Variants in COPS8 observed in about 807,000 individuals in gnomAD.
The protein encoded by COPS8 is COP9 signalosome subunit 8.
A neutral mutation model predicts 31.5 loss-of-function variants in COPS8; 11 were observed. That is an observed-to-expected ratio of 0.35 (90% CI 0.22 to 0.58). The LOEUF (loss-of-function observed/expected upper bound fraction) is 0.58, where lower values mean the gene tolerates loss of function less well. Ranked by LOEUF, COPS8 falls within the 20% of genes least tolerant of loss-of-function variation. The pLI is 0.83. For missense variants in COPS8, 215 were observed against 255.1 expected (o/e 0.84, Z 1.07); for synonymous variants, 81 against 89.3 (o/e 0.91, Z 0.52).
chr2:237,095,554 T>C (rs997923163), intron 5 of COPS8, among the ~76,000 whole-genome samples: 7 of 152,222 alleles, frequency 4.6e-5, no homozygotes, highest in Non-Finnish European at 1.0e-4. Flanking sequence ...ATTAGGTTAA[T>C]ACTATAATAT....
In COPS8 at chr2:237,086,007, A is replaced by C; in HGVS notation, c.43A>C (p.Lys15Gln). Reference protein sequence around the residue: ...VMAESAFSFKKLLDQCENQEL... With the variant: ...VMAESAFSFKQLLDQCENQEL... ...GGCGGAAAGCGCCTTTAGTTTCAAA[A>C]AGTTGCTGGATCAGTGCGAGAACCA... Residue 15 changes from lysine (K) to glutamine (Q), a missense_variant, in exon 1 of 8, where the codon AAG becomes CAG. Coordinates refer to ENST00000354371, the MANE Select transcript of COPS8 (RefSeq NM_006710.5). The C allele has an allele frequency of 6.2e-7, 1 of 1,613,770 alleles. No individual in the cohort carries two copies. The highest frequency in any genetic ancestry group is 2.2e-5 in the East Asian group (1 of 44,870).
Position 237,096,844 on chromosome 2 carries a change from C to T in COPS8, c.525C>T (p.Ser175=). Residue 175 remains serine, a synonymous_variant, in exon 7 of 8, where the codon TCC becomes TCT. Coordinates refer to ENST00000354371, the MANE Select transcript of COPS8 (RefSeq NM_006710.5). ...RKPVAGALDV[S]FNKFIPLSEP... is the part of the protein sequence containing the mutation. ...TAGTTGCAGGGGCCCTGGATGTTTC[C>T]TTTAACAAGTTTATTCCCTTATCAG... 6.2e-7 allele frequency: 1 copy of T among 1,610,910 alleles called. No homozygotes were observed. Among genetic ancestry groups the T allele is most frequent in the South Asian group, 1.1e-5 (1 of 90,684 alleles).
intron 7 of COPS8, 64 bp downstream of exon 7, chr2:237,096,933 ATATG>A (rs2106347586): frequency 3.6e-6 from 4 of 1,098,752 alleles, no homozygotes; most frequent in Admixed American, 1.9e-5. Flanking sequence ...TTTGTAGTAT[ATATG>A]TATATGTGTG....
intron 5 of COPS8, 59 bp downstream of exon 5, chr2:237,094,256 G>A: frequency 6.8e-7 from 1 of 1,465,746 alleles, no homozygotes; most frequent in South Asian, 1.2e-5. Flanking sequence ...GTGAATTGTA[G>A]GTTCACAGTC....
rs1158270599 is a variant in COPS8 at position 237,100,094 on chromosome 2, G to A, written c.*2352G>A. 1.3e-5 allele frequency: 2 copies of A among 152,144 alleles called. No individual in the cohort carries two copies. Among genetic ancestry groups the A allele is most frequent in the Admixed American group, 1.3e-4 (2 of 15,270 alleles). The allele number at this position is 152,144 out of a possible 1,614,324, so 9.4% of individuals were successfully genotyped here. On this transcript the variant is annotated 3_prime_UTR_variant, in exon 8 of 8. Coordinates refer to ENST00000354371, the MANE Select transcript of COPS8 (RefSeq NM_006710.5). Reference sequence around the variant, plus strand: ...ATCGAACCTGTAGGGTAGTCAAAAAGCTCATGCTGGAAAATTCCACCGAAT... The same window carrying A: ...ATCGAACCTGTAGGGTAGTCAAAAAACTCATGCTGGAAAATTCCACCGAAT...
chr2:237,094,857 T>C (rs1696769880), intron 5 of COPS8, among the ~76,000 whole-genome samples: 1 of 152,090 alleles, frequency 6.6e-6, no homozygotes, highest in Non-Finnish European at 1.5e-5. Context: ...TCCCAACTAC[T>C]CAGGAGGCTG....
chr2:237,089,421 T>TA (rs1336166228), intron 3 of COPS8, among the ~76,000 whole-genome samples: 4 of 152,216 alleles, frequency 2.6e-5, no homozygotes, highest in Non-Finnish European at 5.9e-5. Context: ...ACTCAATCCT[T>TA]AGAGAGGCTA....
rs1225174288 is a variant in COPS8 at position 237,099,617 on chromosome 2, C to G, written c.*1875C>G. On this transcript the variant is annotated 3_prime_UTR_variant, in exon 8 of 8. Coordinates refer to ENST00000354371, the MANE Select transcript of COPS8 (RefSeq NM_006710.5). ...AAACCTCATTATATGCTTTATTTTT[C>G]TTTGTAAACAGTAAATATTTCCCAC... is the stretch of plus-strand genomic sequence containing the variant. The G allele has an allele frequency of 1.3e-5, 2 of 151,948 alleles. No homozygotes were observed. The highest frequency in any genetic ancestry group is 2.4e-5 in the African/African-American group (1 of 41,342). The allele number at this position is 151,948 out of a possible 1,614,324, so 9.4% of individuals were successfully genotyped here.
rs1696834107 is a variant in COPS8 at position 237,097,938 on chromosome 2, C to T, written c.*196C>T. On this transcript the variant is annotated 3_prime_UTR_variant, in exon 8 of 8. Transcript: ENST00000354371. ...ACGTTATGCTGAATAGTTGTTGAAA[C>T]AGTTCTCATTTTGTAGTATTTAATA... is the stretch of plus-strand genomic sequence containing the variant. The T allele has an allele frequency of 1.1e-5, 5 of 454,396 alleles. No homozygotes were observed. The highest frequency in any genetic ancestry group is 2.0e-5 in the Non-Finnish European group (5 of 253,816). The allele number at this position is 454,396 out of a possible 1,614,324, so 28.1% of individuals were successfully genotyped here.
intron 7 of COPS8, 58 bp downstream of exon 7, chr2:237,096,927 TAGTATATA>T (rs1696812853): frequency 8.2e-7 from 1 of 1,216,876 alleles, no homozygotes; most frequent in Non-Finnish European, 1.2e-6. Flanking sequence ...TTCTTTTTTG[TAGTATATA>T]TGTATATGTG....
At chr2:237,093,172 G>T (rs566845208) in intron 4 of COPS8, among the ~76,000 whole-genome samples, 15 of 152,334 alleles carry the variant, frequency 9.8e-5, no homozygotes, top group African/African-American at 3.4e-4. Flanking sequence ...CCCAGGGGGA[G>T]AAGGTGTAAG....
At position 237,098,203 on chromosome 2, in the gene COPS8, C is replaced by G. The variant is rs1696838279; in HGVS notation, c.*461C>G. The G allele has an allele frequency of 6.4e-6, 1 of 155,386 alleles. No individual in the cohort carries two copies. Among genetic ancestry groups the G allele is most frequent in the African/African-American group, 2.4e-5 (1 of 41,462 alleles). The allele number at this position is 155,386 out of a possible 1,614,324, so 9.6% of individuals were successfully genotyped here. A position where few individuals can be genotyped will look rare whatever the true frequency, so the allele number is the denominator to read the frequency against. ...TGATTCACCCTCTTTGGAGAACATG[C>G]TCTCTTTTCACCCCCCACCTCCTGA... is the stretch of plus-strand genomic sequence containing the variant. On this transcript the variant is annotated 3_prime_UTR_variant, in exon 8 of 8. Coordinates refer to ENST00000354371, the MANE Select transcript of COPS8 (RefSeq NM_006710.5).
chr2:237,098,978 G>C lies in COPS8; in HGVS notation c.*1236G>C, dbSNP rs1303127510. 6 of 152,174 alleles carry C rather than the reference G, an allele frequency of 3.9e-5. No individual in the cohort carries two copies. Among genetic ancestry groups the C allele is most frequent in the African/African-American group, 1.4e-4 (6 of 41,450 alleles). The allele number at this position is 152,174 out of a possible 1,614,324, so 9.4% of individuals were successfully genotyped here. On this transcript the variant is annotated 3_prime_UTR_variant, in exon 8 of 8. Transcript: ENST00000354371. Reference sequence around the variant, plus strand: ...TACAGTTGAGGAAATGGGAATTCAAGAAGTCAGAGGATCAGGAGAGTGATC... The same window carrying C: ...TACAGTTGAGGAAATGGGAATTCAACAAGTCAGAGGATCAGGAGAGTGATC...
intron 7 of COPS8, 106 bp downstream of exon 7, chr2:237,096,975 T>C: frequency 1.3e-6 from 1 of 789,416 alleles, no homozygotes; most frequent in South Asian, 1.6e-5. Flanking sequence ...ATTTCTTACC[T>C]TGTAAACAGA....
intron 1 of COPS8, chr2:237,086,753 A>G: frequency 1.0e-6 from 1 of 982,454 alleles, no homozygotes; most frequent in Middle Eastern, 5.2e-4. Context: ...TAATGGGCAG[A>G]ATCAGAATGC....
chr2:237,093,110 A>G lies in COPS8; in HGVS notation c.332-980A>G, dbSNP rs6729697. Among the ~76,000 whole-genome samples, 1,364 of 152,280 alleles carry G rather than the reference A, an allele frequency of 9.0e-3. 20 individuals carry two copies. Among genetic ancestry groups the G allele is most frequent in the African/African-American group, 0.031 (1,273 of 41,546 alleles). On this transcript the variant is annotated intron_variant, in intron 4 of 7. Transcript: ENST00000354371. ...AATTATAAACAGACTTAGGAATGGT[A>G]GAGAGCAGACAGGAGGGCATTTCAG...
rs149227550 is a variant in COPS8 at position 237,089,290 on chromosome 2, T to TC, written c.199-571dup. ...CAAGAGATCGGATTAGTATTTTTACTCTTTTTTTTTCCCTCATACATTCTG... is the reference window on the plus strand; with the variant it reads ...CAAGAGATCGGATTAGTATTTTTACTCCTTTTTTTTTCCCTCATACATTCTG... On this transcript the variant is annotated intron_variant, in intron 3 of 7. Transcript: ENST00000354371. 4.5e-3 allele frequency among the ~76,000 whole-genome samples: 680 copies of TC among 152,310 alleles called. 7 individuals carry two copies. Among genetic ancestry groups the TC allele is most frequent in the African/African-American group, 0.015 (644 of 41,572 alleles).
chr2:237,095,159 T>A (rs988068067), intron 5 of COPS8, among the ~76,000 whole-genome samples: 1 of 152,154 alleles, frequency 6.6e-6, no homozygotes, highest in Non-Finnish European at 1.5e-5. Context: ...ATACAAACAT[T>A]TATTTCTTTT....
At position 237,094,029 on chromosome 2, in the gene COPS8, A is replaced by G. The variant is rs767400834; in HGVS notation, c.332-61A>G. On this transcript the variant is annotated intron_variant, in intron 4 of 7. Coordinates refer to ENST00000354371, the MANE Select transcript of COPS8 (RefSeq NM_006710.5). ...ACAAGGACAGTGGTGTGATTTAACA[A>G]TGTGCTTTGAAAATGCTGCTCCCTG... 320 of 1,586,270 alleles carry G rather than the reference A, an allele frequency of 2.0e-4. 4 individuals are homozygous for G. The East Asian group carries it at 5.8e-3, about 29-fold the overall frequency.
Sources: gnomAD v4.1 joint callset for allele counts (sites outside exome capture counted in the v4.1 genomes callset) on GRCh38, gnomAD v4.1.1 for gene constraint, MANE v1.5 for transcripts, NCBI Gene and HGNC (gene_info 2026-07-23, HGNC 2026-07-21) for gene names.